Variants in CNTN5 observed in about 807,000 individuals in gnomAD.
The protein encoded by CNTN5 is contactin-5.
In CNTN5, 77 loss-of-function variants were observed where a neutral mutation model predicts 129.1. The observed-to-expected ratio is 0.60, with a 90% CI of 0.50 to 0.72. CNTN5 has a LOEUF of 0.72. Among genes scored for constraint, CNTN5 ranks in the 30% least tolerant of loss-of-function variants. The probability of loss-of-function intolerance (pLI) is 0.00; values close to 1 mark genes in which losing one functional copy is unlikely to be tolerated. For missense variants in CNTN5, 1,478 were observed against 1,328.8 expected (o/e 1.11, Z -1.75); for synonymous variants, 509 against 465.6 (o/e 1.09, Z -1.20).
intron 8 of CNTN5, among the ~76,000 whole-genome samples, chr11:99,994,409 A>T (rs1272330331): frequency 6.6e-6 from 1 of 152,216 alleles, no homozygotes; most frequent in African/African-American, 2.4e-5. Flanking sequence ...GAAAGAGAAA[A>T]AAATCAAAAT....
intron 6 of CNTN5, among the ~76,000 whole-genome samples, chr11:99,884,932 G>A (rs1424412561): frequency 2.0e-5 from 3 of 152,046 alleles, no homozygotes; most frequent in Admixed American, 6.6e-5. Context: ...AGCCGATGTA[G>A]TACCACTGCA....
At chr11:99,465,604 T>C (rs2135253016) in intron 2 of CNTN5, among the ~76,000 whole-genome samples, 1 of 145,068 alleles carries the variant, frequency 6.9e-6, no homozygotes, top group Non-Finnish European at 1.5e-5. Flanking sequence ...AGGAAATCAG[T>C]ATATATATTT....
In CNTN5 at chr11:99,324,904, G is replaced by A. The variant is rs528269762; in HGVS notation, c.-209-442G>A. On this transcript the variant is annotated intron_variant, in intron 1 of 24. Transcript: ENST00000524871. ...GATCCGCCTGCCTCGGCCTCCCAAA[G>A]TGCCTGGATTACAGGTGTGAGCCAC... Among the ~76,000 whole-genome samples, 103 of 152,216 alleles carry A rather than the reference G, an allele frequency of 6.8e-4. 1 individual carries two copies. Among genetic ancestry groups the A allele is most frequent in the African/African-American group, 2.5e-3 (102 of 41,534 alleles).
chr11:99,709,364 A>C (rs981201514), intron 3 of CNTN5, among the ~76,000 whole-genome samples: 5 of 151,860 alleles, frequency 3.3e-5, no homozygotes, highest in African/African-American at 1.2e-4. Context: ...AATAATGTCA[A>C]GATTTTGCAC....
At chr11:99,286,769 C>A (rs1863956866) in intron 1 of CNTN5, among the ~76,000 whole-genome samples, 2 of 145,642 alleles carry the variant, frequency 1.4e-5, no homozygotes, top group African/African-American at 5.0e-5. Flanking sequence ...ACAAAATAAG[C>A]CTTTTTAGCA....
chr11:100,105,977 AC>A (rs2138086786), intron 13 of CNTN5, among the ~76,000 whole-genome samples: 1 of 152,308 alleles, frequency 6.6e-6, no homozygotes, highest in Admixed American at 6.5e-5. Context: ...AACAAAGTAT[AC>A]TTTTTAATGG....
At chr11:99,210,305 C>A (rs1859703290) in intron 1 of CNTN5, among the ~76,000 whole-genome samples, 1 of 152,144 alleles carries the variant, frequency 6.6e-6, no homozygotes, top group Admixed American at 6.6e-5. Flanking sequence ...GCAATGCTTT[C>A]CCTCATAGTA....
intron 2 of CNTN5, among the ~76,000 whole-genome samples, chr11:99,391,124 G>C (rs903910520): frequency 6.6e-6 from 1 of 151,896 alleles, no homozygotes; most frequent in Non-Finnish European, 1.5e-5. Flanking sequence ...AAAACTCCAA[G>C]TTTATTTAAT....
At chr11:100,233,037 C>T (rs909355632) in intron 16 of CNTN5, among the ~76,000 whole-genome samples, 2 of 152,068 alleles carry the variant, frequency 1.3e-5, no homozygotes, top group Non-Finnish European at 2.9e-5. Context: ...TTAAACCTCT[C>T]TATGTTAAAC....
intron 1 of CNTN5, among the ~76,000 whole-genome samples, chr11:99,290,695 T>C (rs1220301536): frequency 6.6e-6 from 1 of 151,816 alleles, no homozygotes; most frequent in Non-Finnish European, 1.5e-5. Flanking sequence ...TCCCAATCAA[T>C]GGAATTGAAA....
At chr11:100,188,380 C>T (rs935335447) in intron 13 of CNTN5, among the ~76,000 whole-genome samples, 1 of 152,010 alleles carries the variant, frequency 6.6e-6, no homozygotes, top group Non-Finnish European at 1.5e-5. Context: ...GAGGCTGCAG[C>T]GAGCTGTGAT....
At chr11:100,279,966 G>T (rs1251890174) in intron 18 of CNTN5, among the ~76,000 whole-genome samples, 1 of 143,546 alleles carries the variant, frequency 7.0e-6, no homozygotes. Flanking sequence ...TTCCTCTTAG[G>T]ATTGCTTTTG....
At chr11:99,609,712 C>G (rs1950539622) in intron 3 of CNTN5, among the ~76,000 whole-genome samples, 1 of 152,082 alleles carries the variant, frequency 6.6e-6, no homozygotes, top group Non-Finnish European at 1.5e-5. Context: ...CATCATCTCT[C>G]AGAGCCACTG....
intron 7 of CNTN5, among the ~76,000 whole-genome samples, chr11:99,932,661 A>G (rs1209825065): frequency 6.6e-6 from 1 of 152,172 alleles, no homozygotes; most frequent in Non-Finnish European, 1.5e-5. Flanking sequence ...TCAAAATTTT[A>G]CATGTATATG....
intron 1 of CNTN5, among the ~76,000 whole-genome samples, chr11:99,301,094 C>T (rs1272911509): frequency 1.3e-5 from 2 of 151,482 alleles, no homozygotes; most frequent in Non-Finnish European, 1.5e-5. Context: ...AGCACAGACA[C>T]TATTAAACTA....
intron 3 of CNTN5, among the ~76,000 whole-genome samples, chr11:99,692,422 C>T (rs115024392): frequency 0.015 from 2,329 of 152,172 alleles, 53 homozygotes; most frequent in African/African-American, 0.052. Context: ...GCACTTGTAA[C>T]ACCGGTCTGG....
At chr11:99,638,581 A>G (rs1288523824) in intron 3 of CNTN5, among the ~76,000 whole-genome samples, 6 of 152,218 alleles carry the variant, frequency 3.9e-5, no homozygotes, top group Admixed American at 2.0e-4. Context: ...CCTAGATACA[A>G]TGGTGGTACA....
chr11:100,286,959 G>T (rs1305733040), intron 18 of CNTN5, among the ~76,000 whole-genome samples: 1 of 152,148 alleles, frequency 6.6e-6, no homozygotes, highest in African/African-American at 2.4e-5. Context: ...CGTGAAGAAT[G>T]CAGAAGCCTC....
intron 1 of CNTN5, among the ~76,000 whole-genome samples, chr11:99,137,515 G>T (rs535955430): frequency 1.3e-5 from 2 of 152,174 alleles, no homozygotes; most frequent in South Asian, 2.1e-4. Context: ...CAGAGTAAAA[G>T]AATCAACCTA....
Sources: gnomAD v4.1 joint callset for allele counts (sites outside exome capture counted in the v4.1 genomes callset) on GRCh38, gnomAD v4.1.1 for gene constraint, MANE v1.5 for transcripts, NCBI Gene and HGNC (gene_info 2026-07-23, HGNC 2026-07-21) for gene names.